Variants in CSGALNACT1 observed in about 807,000 individuals in gnomAD.
The protein encoded by CSGALNACT1 is chondroitin sulfate N-acetylgalactosaminyltransferase 1, also known as beta4GalNAcT-1.
In CSGALNACT1, 52 loss-of-function variants were observed where a neutral mutation model predicts 51.0. That is an observed-to-expected ratio of 1.02 (90% CI 0.82 to 1.29). The LOEUF (loss-of-function observed/expected upper bound fraction) is 1.29, where lower values mean the gene tolerates loss of function less well. Among genes scored for constraint, CSGALNACT1 ranks in the 50% most tolerant of loss-of-function variants. The pLI is 0.00. For synonymous variants in CSGALNACT1, 341 were observed against 254.4 expected (o/e 1.34, Z -3.24); for missense variants, 935 against 679.2 (o/e 1.38, Z -4.19).
chr8:19,604,914 CAA>C (rs576342135), upstream of CSGALNACT1, among the ~76,000 whole-genome samples: 842 of 64,400 alleles, frequency 0.013, 4 homozygotes, highest in African/African-American at 0.039. Context: ...GACTCTGTCT[CAA>C]AAAAAAAAAA....
chr8:19,662,533 G>A (rs745806847), intron 1 of CSGALNACT1, among the ~76,000 whole-genome samples: 6 of 152,286 alleles, frequency 3.9e-5, no homozygotes, highest in Non-Finnish European at 7.4e-5. Flanking sequence ...ATAATTGGAT[G>A]CAACCTAAAT....
intron 4 of CSGALNACT1, among the ~76,000 whole-genome samples, chr8:19,470,146 C>G (rs1362046128): frequency 1.3e-5 from 2 of 152,070 alleles, no homozygotes; most frequent in East Asian, 1.9e-4. Flanking sequence ...CCTACAACCC[C>G]GCAAAGTACT....
At chr8:19,535,446 G>T (rs547187801) in intron 3 of CSGALNACT1, among the ~76,000 whole-genome samples, 1 of 152,166 alleles carries the variant, frequency 6.6e-6, no homozygotes, top group South Asian at 2.1e-4. Context: ...CTCTATAAGG[G>T]GTGATTTACC....
At chr8:19,676,828 G>A (rs1051111352) in intron 1 of CSGALNACT1, among the ~76,000 whole-genome samples, 1 of 152,108 alleles carries the variant, frequency 6.6e-6, no homozygotes, top group Non-Finnish European at 1.5e-5. Flanking sequence ...TGGGAGGCTC[G>A]GTACTGGAAC....
chr8:19,735,461 A>C (rs1467003270), intron 1 of CSGALNACT1, among the ~76,000 whole-genome samples: 1 of 152,202 alleles, frequency 6.6e-6, no homozygotes, highest in Non-Finnish European at 1.5e-5. Context: ...CCATAAGCTC[A>C]AATCAAAATA....
chr8:19,695,219 T>G (rs957267626), intron 1 of CSGALNACT1, among the ~76,000 whole-genome samples: 1 of 152,210 alleles, frequency 6.6e-6, no homozygotes, highest in African/African-American at 2.4e-5. Context: ...ATTTCAAGCT[T>G]CTACAGAACT....
chr8:19,427,310 C>T (rs889753827), intron 6 of CSGALNACT1, among the ~76,000 whole-genome samples: 1 of 152,210 alleles, frequency 6.6e-6, no homozygotes, highest in African/African-American at 2.4e-5. Flanking sequence ...ATCTTCCAGG[C>T]TACATCCTCA....
intron 3 of CSGALNACT1, among the ~76,000 whole-genome samples, chr8:19,513,434 C>CCCTATATATATATA (rs2078857280): frequency 1.5e-5 from 1 of 66,534 alleles, no homozygotes; most frequent in Non-Finnish European, 3.3e-5. Context: ...CTCTCTCTCT[C>CCCTATATATATATA]TCTATATATA....
intron 1 of CSGALNACT1, among the ~76,000 whole-genome samples, chr8:19,681,263 G>C (rs775992208): frequency 2.6e-5 from 4 of 152,180 alleles, no homozygotes; most frequent in African/African-American, 4.8e-5. Flanking sequence ...AAGGAACAGA[G>C]TAAGAATGGA....
At chr8:19,515,717 T>C (rs2079390725) in intron 3 of CSGALNACT1, among the ~76,000 whole-genome samples, 1 of 140,382 alleles carries the variant, frequency 7.1e-6, no homozygotes, top group South Asian at 2.3e-4. Flanking sequence ...TCAAGTCCTA[T>C]TTTTTTTTTA....
chr8:19,596,078 G>A (rs966261001), intron 2 of CSGALNACT1, among the ~76,000 whole-genome samples: 13 of 151,842 alleles, frequency 8.6e-5, no homozygotes, highest in South Asian at 4.2e-4. Context: ...ATGTTGCCTC[G>A]GTTGGTCTTG....
chr8:19,566,279 G>C (rs1774379437), intron 3 of CSGALNACT1, among the ~76,000 whole-genome samples: 1 of 152,174 alleles, frequency 6.6e-6, no homozygotes, highest in Non-Finnish European at 1.5e-5. Context: ...TCAGAGACTG[G>C]AATGATGTGA....
At chr8:19,734,126 C>T (rs1322579931) in intron 1 of CSGALNACT1, among the ~76,000 whole-genome samples, 1 of 152,206 alleles carries the variant, frequency 6.6e-6, no homozygotes, top group African/African-American at 2.4e-5. Flanking sequence ...CTCCCCATAT[C>T]ACTTCCATCT....
intron 3 of CSGALNACT1, among the ~76,000 whole-genome samples, chr8:19,569,789 G>A (rs2042624920): frequency 6.6e-6 from 1 of 152,148 alleles, no homozygotes. Context: ...ATCCCTAATA[G>A]TCCAAAACTG....
intron 4 of CSGALNACT1, among the ~76,000 whole-genome samples, chr8:19,461,081 C>T (rs780109790): frequency 2.6e-5 from 4 of 152,146 alleles, no homozygotes; most frequent in Non-Finnish European, 4.4e-5. Flanking sequence ...TTCACCAATG[C>T]GTTGAGTAAA....
intron 5 of CSGALNACT1, among the ~76,000 whole-genome samples, chr8:19,446,941 G>A (rs74577523): frequency 6.6e-6 from 1 of 152,284 alleles, no homozygotes; most frequent in East Asian, 1.9e-4. Flanking sequence ...TAACAAGAGA[G>A]TATGGAGAGT....
intron 5 of CSGALNACT1, among the ~76,000 whole-genome samples, chr8:19,454,486 C>T (rs943203310): frequency 1.4e-4 from 22 of 152,110 alleles, no homozygotes; most frequent in Non-Finnish European, 1.0e-4. Context: ...GCCTGACCAA[C>T]GTGGTGAAAC....
At chr8:19,451,609 C>G (rs193090613) in intron 5 of CSGALNACT1, among the ~76,000 whole-genome samples, 4 of 152,192 alleles carry the variant, frequency 2.6e-5, no homozygotes, top group Admixed American at 2.0e-4. Flanking sequence ...CTGGCCAGTA[C>G]GCCGGGTGAG....
chr8:19,538,024 T>C (rs1284158568), intron 3 of CSGALNACT1, among the ~76,000 whole-genome samples: 1 of 152,156 alleles, frequency 6.6e-6, no homozygotes, highest in Non-Finnish European at 1.5e-5. Flanking sequence ...TAGTCAGATA[T>C]AAAGAACACT....
Sources: allele counts gnomAD v4.1 joint callset (sites outside exome capture counted in the v4.1 genomes callset), GRCh38; gene constraint gnomAD v4.1.1; transcripts MANE v1.5; gene names NCBI Gene and HGNC (gene_info 2026-07-23, HGNC 2026-07-21).